Variants in CPED1 observed in about 807,000 individuals in gnomAD.
CPED1 encodes the protein cadherin like and PC-esterase domain containing 1.
CPED1 carries 114 observed loss-of-function variants against 128.2 expected under a neutral mutation model. The observed-to-expected ratio is 0.89, with a 90% confidence interval of 0.76 to 1.04. The LOEUF (loss-of-function observed/expected upper bound fraction) is 1.04. Among genes scored for constraint, CPED1 ranks in the 50% least tolerant of loss-of-function variants. CPED1 has a pLI of 0.00. For synonymous variants in CPED1, 462 were observed against 426.7 expected, an observed-to-expected ratio of 1.08 and a Z score of -1.02; for missense variants, 1,211 against 1,207.1, an observed-to-expected ratio of 1.00 and a Z score of -0.05.
intron 5 of CPED1, among the ~76,000 whole-genome samples, chr7:121,075,160 A>G (rs887851802): frequency 5.3e-5 from 8 of 152,158 alleles, no homozygotes; most frequent in Admixed American, 1.3e-4. Context: ...ATTAAACAAG[A>G]TGAAAAATAC....
chr7:121,222,883 A>G (rs1020541467), intron 16 of CPED1, among the ~76,000 whole-genome samples: 1 of 152,204 alleles, frequency 6.6e-6, no homozygotes, highest in Admixed American at 6.5e-5. Flanking sequence ...TTCTAAACAT[A>G]CAATCATGTC....
At position 121,133,861 on chromosome 7, in the gene CPED1, A is replaced by T; in HGVS notation, c.1616A>T (p.Gln539Leu). 1 of 1,600,296 alleles carries T rather than the reference A, an allele frequency of 6.2e-7. No homozygotes were observed. The highest frequency in any genetic ancestry group is 8.5e-7 in the Non-Finnish European group (1 of 1,170,660). ...FTEDKNIEKP[Q>L]VPFDAIENKK... Reference sequence around the variant, plus strand: ...GAAGATAAGAACATTGAAAAACCACAAGTGCCATTTGATGCAATAGAAAAT... The same window carrying T: ...GAAGATAAGAACATTGAAAAACCACTAGTGCCATTTGATGCAATAGAAAAT... Residue 539 changes from glutamine to leucine, a missense_variant, in exon 13 of 23, where the codon CAA becomes CTA. Transcript: ENST00000310396.
Position 121,083,952 on chromosome 7 carries a change from G to C in CPED1, c.617-13747G>C, listed in dbSNP as rs557045134. The C allele has an allele frequency of 3.3e-5, 5 of 152,298 alleles. No homozygotes were observed. The South Asian group carries it at 8.3e-4, about 25-fold the overall frequency. 9.4% of individuals were successfully genotyped at this position (152,298 alleles called of 1,614,324 possible). On this transcript the variant is annotated intron_variant, in intron 5 of 22. Coordinates refer to ENST00000310396, the MANE Select transcript of CPED1 (RefSeq NM_024913.5). The stretch of plus-strand genomic sequence containing the variant: ...ACAGTGAGCACCCCATAAATGCTGA[G>C]TATTATGATTGTTTTTTCAATAAGT...
intron 16 of CPED1, among the ~76,000 whole-genome samples, chr7:121,187,255 G>A (rs1353415619): frequency 1.3e-5 from 2 of 152,214 alleles, no homozygotes. Context: ...CGGTAGGATT[G>A]TCAGAGGACA....
intron 2 of CPED1, among the ~76,000 whole-genome samples, chr7:120,996,565 G>T (rs1796409535): frequency 6.6e-6 from 1 of 152,084 alleles, no homozygotes; most frequent in African/African-American, 2.4e-5. Context: ...TGTAGACATG[G>T]TGCTCCTTTT....
At chr7:121,265,091 C>T (rs998516438) in intron 18 of CPED1, among the ~76,000 whole-genome samples, 9 of 151,578 alleles carry the variant, frequency 5.9e-5, no homozygotes, top group Admixed American at 2.0e-4. Flanking sequence ...GTGTAGGGTC[C>T]GGAGGGTGAC....
chr7:121,132,728 T>C (rs117930086), intron 12 of CPED1, among the ~76,000 whole-genome samples: 1,926 of 152,208 alleles, frequency 0.013, 13 homozygotes, highest in South Asian at 0.035. Flanking sequence ...ATTCACAAAA[T>C]TATGCAGAAA....
chr7:121,057,435 C>G (rs543754616), intron 4 of CPED1, among the ~76,000 whole-genome samples: 79 of 152,316 alleles, frequency 5.2e-4, no homozygotes, highest in Non-Finnish European at 9.7e-4. Flanking sequence ...TTGCCCCCCA[C>G]TTCTCCTCTG....
At chr7:121,005,891 G>A (rs1006322369) in intron 2 of CPED1, among the ~76,000 whole-genome samples, 3 of 152,168 alleles carry the variant, frequency 2.0e-5, no homozygotes, top group Non-Finnish European at 2.9e-5. Flanking sequence ...AGGTGTCAGT[G>A]CTCATTTACA....
At chr7:121,209,567 A>G (rs1441880864) in intron 16 of CPED1, among the ~76,000 whole-genome samples, 1 of 152,022 alleles carries the variant, frequency 6.6e-6, no homozygotes, top group Non-Finnish European at 1.5e-5. Flanking sequence ...GAAAAATAAA[A>G]CTAGACCCCT....
chr7:121,231,732 G>C (rs1584616819), intron 16 of CPED1, among the ~76,000 whole-genome samples: 2 of 152,234 alleles, frequency 1.3e-5, no homozygotes, highest in East Asian at 1.9e-4. Context: ...GACACAAATT[G>C]AAAGAGTTAG....
intron 18 of CPED1, chr7:121,262,000 G>C (rs1792028878): frequency 5.5e-6 from 2 of 360,756 alleles, no homozygotes; most frequent in Non-Finnish European, 1.0e-5. Flanking sequence ...CCTATTGGAA[G>C]TTGTTTGGGT....
intron 16 of CPED1, among the ~76,000 whole-genome samples, chr7:121,175,473 C>T (rs1220526193): frequency 6.6e-6 from 1 of 151,972 alleles, no homozygotes; most frequent in Non-Finnish European, 1.5e-5. Context: ...TATAAAATTC[C>T]CATTTTATTG....
intron 16 of CPED1, among the ~76,000 whole-genome samples, chr7:121,234,055 ACATTT>A (rs1261550308): frequency 6.6e-6 from 1 of 152,118 alleles, no homozygotes; most frequent in East Asian, 1.9e-4. Flanking sequence ...GTGTTCACTT[ACATTT>A]CTTTGACTAG....
intron 18 of CPED1, among the ~76,000 whole-genome samples, chr7:121,259,951 G>A (rs1351113986): frequency 6.6e-6 from 1 of 151,886 alleles, no homozygotes. Flanking sequence ...TTCAAAGTGT[G>A]GCTAATTTAA....
intron 5 of CPED1, among the ~76,000 whole-genome samples, chr7:121,085,604 T>A (rs1794404605): frequency 6.6e-6 from 1 of 152,194 alleles, no homozygotes. Flanking sequence ...CTTGGGCTTC[T>A]CTTGCCATCT....
chr7:121,223,129 C>T (rs1160333594), intron 16 of CPED1, among the ~76,000 whole-genome samples: 1 of 152,120 alleles, frequency 6.6e-6, no homozygotes, highest in East Asian at 1.9e-4. Context: ...AGATACGTTC[C>T]ATCAATACCT....
intron 3 of CPED1, among the ~76,000 whole-genome samples, chr7:121,026,905 A>T (rs557949351): frequency 1.7e-4 from 23 of 138,928 alleles, no homozygotes; most frequent in African/African-American, 6.3e-4. Context: ...ACCATGGCTC[A>T]CTGCAGCCTT....
chr7:121,244,510 A>C (rs1182853095), intron 18 of CPED1, among the ~76,000 whole-genome samples, 172 bp downstream of exon 18: 1 of 152,230 alleles, frequency 6.6e-6, no homozygotes, highest in African/African-American at 2.4e-5. Flanking sequence ...AATAGCCTGA[A>C]CAATTCCCGC....
Sources: allele counts gnomAD v4.1 joint callset (sites outside exome capture counted in the v4.1 genomes callset), GRCh38; gene constraint gnomAD v4.1.1; transcripts MANE v1.5; gene names NCBI Gene and HGNC (gene_info 2026-07-23, HGNC 2026-07-21).